PLPPR1: variants seen among roughly 807,000 people sequenced by gnomAD.
PLPPR1 encodes phospholipid phosphatase-related protein type 1.
A neutral mutation model predicts 33.1 loss-of-function variants in PLPPR1; 10 were observed. That is an observed-to-expected ratio of 0.30 (90% CI 0.19 to 0.51). The LOEUF (loss-of-function observed/expected upper bound fraction) is 0.51, where lower values mean the gene tolerates loss of function less well. Ranked by LOEUF, PLPPR1 falls within the 20% of genes least tolerant of loss-of-function variation. The probability of loss-of-function intolerance (pLI) is 0.97; values close to 1 mark genes in which losing one functional copy is unlikely to be tolerated. For synonymous variants in PLPPR1, 151 were observed against 151.0 expected, an observed-to-expected ratio of 1.00 and a Z score of 0.00; for missense variants, 304 against 408.1, an observed-to-expected ratio of 0.74 and a Z score of 2.20.
intron 1 of PLPPR1, among the ~76,000 whole-genome samples, chr9:101,110,146 T>A (rs1037631540): frequency 1.3e-5 from 2 of 152,224 alleles, no homozygotes; most frequent in African/African-American, 4.8e-5. Flanking sequence ...ACAAATTAGC[T>A]GAAGAATAGC....
intron 1 of PLPPR1, among the ~76,000 whole-genome samples, chr9:101,060,041 C>T (rs952999174): frequency 6.6e-6 from 1 of 151,952 alleles, no homozygotes; most frequent in Non-Finnish European, 1.5e-5. Context: ...CAGCATGATT[C>T]ACAATAGCTA....
intron 1 of PLPPR1, among the ~76,000 whole-genome samples, chr9:101,150,542 G>A (rs1831569123): frequency 6.6e-6 from 1 of 152,122 alleles, no homozygotes; most frequent in Admixed American, 6.5e-5. Flanking sequence ...AATCTGTTAT[G>A]TTTTGTGTTT....
intron 1 of PLPPR1, among the ~76,000 whole-genome samples, chr9:101,077,798 G>C (rs76348565): frequency 0.039 from 5,881 of 151,906 alleles, 173 homozygotes; most frequent in East Asian, 0.079. Flanking sequence ...TGGGCAAGGC[G>C]GCTCCCTTAG....
intron 1 of PLPPR1, among the ~76,000 whole-genome samples, chr9:101,165,905 A>G (rs1825848456): frequency 6.6e-6 from 1 of 152,192 alleles, no homozygotes; most frequent in South Asian, 2.1e-4. Flanking sequence ...CTGAAATGCC[A>G]AATTCTTAAG....
At chr9:101,302,325 A>G (rs989580796) in intron 4 of PLPPR1, among the ~76,000 whole-genome samples, 2 of 152,226 alleles carry the variant, frequency 1.3e-5, no homozygotes, top group Admixed American at 1.3e-4. Flanking sequence ...AGGTCAGTAC[A>G]CCTTTATAAG....
intron 1 of PLPPR1, among the ~76,000 whole-genome samples, chr9:101,045,899 T>C (rs1291061928): frequency 5.3e-5 from 8 of 152,216 alleles, no homozygotes; most frequent in Non-Finnish European, 1.2e-4. Context: ...ACATTGTTCA[T>C]TCTCAATAAA....
chr9:101,074,732 A>G (rs1437008307), intron 1 of PLPPR1, among the ~76,000 whole-genome samples: 1 of 152,154 alleles, frequency 6.6e-6, no homozygotes, highest in Non-Finnish European at 1.5e-5. Context: ...AGAATGGTGT[A>G]TGAGTATGTT....
chr9:101,201,072 G>A (rs1826483905), intron 2 of PLPPR1, among the ~76,000 whole-genome samples: 1 of 152,156 alleles, frequency 6.6e-6, no homozygotes, highest in Non-Finnish European at 1.5e-5. Context: ...GAATTCCACG[G>A]TCAAGCTTGT....
intron 4 of PLPPR1, among the ~76,000 whole-genome samples, chr9:101,296,092 A>C (rs1377128256): frequency 1.3e-5 from 2 of 152,294 alleles, no homozygotes; most frequent in African/African-American, 4.8e-5. Context: ...CAATGAACTC[A>C]AACAAATTTA....
chr9:101,265,130 T>G (rs1827965335), intron 2 of PLPPR1, among the ~76,000 whole-genome samples: 1 of 152,200 alleles, frequency 6.6e-6, no homozygotes, highest in Non-Finnish European at 1.5e-5. Context: ...CTTCTTGACA[T>G]TTTTACTTTT....
chr9:101,131,184 T>C (rs918165743), intron 1 of PLPPR1, among the ~76,000 whole-genome samples: 5 of 152,208 alleles, frequency 3.3e-5, no homozygotes, highest in African/African-American at 1.2e-4. Context: ...CCTATTGTAA[T>C]GCCCTGGTAC....
intron 1 of PLPPR1, among the ~76,000 whole-genome samples, chr9:101,101,343 AG>A (rs1300290114): frequency 4.6e-5 from 7 of 152,004 alleles, no homozygotes; most frequent in Admixed American, 4.6e-4. Flanking sequence ...TCTTTTATTT[AG>A]TATGCTAATA....
chr9:101,097,496 CAT>C (rs1389090332), intron 1 of PLPPR1, among the ~76,000 whole-genome samples: 2 of 152,184 alleles, frequency 1.3e-5, no homozygotes, highest in African/African-American at 4.8e-5. Context: ...CTCTGTCAAA[CAT>C]GTGAACAAGC....
intron 1 of PLPPR1, among the ~76,000 whole-genome samples, chr9:101,030,558 T>A (rs1829933326): frequency 6.6e-6 from 1 of 151,848 alleles, no homozygotes; most frequent in African/African-American, 2.4e-5. Context: ...TCTTGACGTG[T>A]TGGTTGTACC....
rs550206862 is a variant in PLPPR1 at position 101,126,851 on chromosome 9, T to A, written c.-45-58599T>A. On this transcript the variant is annotated intron_variant, in intron 1 of 7. Transcript: ENST00000374874. ...TTCCTCATCTGAATCTGCCTTATCG[T>A]CTGTTTGAAATGGCTCAAGAGCTGC... is the stretch of plus-strand genomic sequence containing the variant. Among the ~76,000 whole-genome samples the A allele has an allele frequency of 1.1e-4, 16 of 152,310 alleles. No individual in the cohort carries two copies. In the South Asian group the frequency reaches 3.3e-3, roughly 32 times the overall value.
intron 4 of PLPPR1, among the ~76,000 whole-genome samples, chr9:101,305,001 A>G (rs1828830550): frequency 1.3e-5 from 2 of 151,886 alleles, no homozygotes; most frequent in Admixed American, 1.3e-4. Context: ...AAAAAAAGGT[A>G]AGAGAGGAGA....
chr9:101,293,268 A>G (rs1021290444), intron 4 of PLPPR1, among the ~76,000 whole-genome samples: 3 of 151,598 alleles, frequency 2.0e-5, no homozygotes, highest in African/African-American at 7.3e-5. Context: ...CTAAATATAT[A>G]TGCACCCAAT....
chr9:101,313,783 A>T (rs7855910), intron 6 of PLPPR1, among the ~76,000 whole-genome samples: 16,862 of 152,236 alleles, frequency 0.11, 1,162 homozygotes, highest in African/African-American at 0.19. Flanking sequence ...CACATCAAGT[A>T]TACAATTTGA....
At chr9:101,292,201 A>C (rs1158000138) in intron 4 of PLPPR1, among the ~76,000 whole-genome samples, 3 of 152,342 alleles carry the variant, frequency 2.0e-5, no homozygotes, top group Non-Finnish European at 4.4e-5. Flanking sequence ...GCAATGGAAA[A>C]TGAAATGAAT....
Sources: gnomAD v4.1 joint callset for allele counts (sites outside exome capture counted in the v4.1 genomes callset) on GRCh38, gnomAD v4.1.1 for gene constraint, MANE v1.5 for transcripts, NCBI Gene and HGNC (gene_info 2026-07-23, HGNC 2026-07-21) for gene names.